The following BICC1 variants were observed in gnomAD, a reference collection of about 807,000 sequenced individuals.
The protein encoded by BICC1 is protein bicaudal C homolog 1.
In BICC1, 43 loss-of-function variants were observed where a neutral mutation model predicts 111.0. That is an observed-to-expected ratio of 0.39 (90% CI 0.30 to 0.50). The LOEUF is 0.50. Among genes scored for constraint, BICC1 ranks in the 20% least tolerant of loss-of-function variants. The pLI, the probability that BICC1 is intolerant of heterozygous loss-of-function variation, is 0.88. For synonymous variants in BICC1, 467 were observed against 434.4 expected (o/e 1.07, Z -0.93); for missense variants, 1,091 against 1,203.2 (o/e 0.91, Z 1.38).
intron 4 of BICC1, 34 bp from the exon 5 acceptor site, chr10:58,786,889 A>G (rs773711177): frequency 2.7e-6 from 4 of 1,484,852 alleles, no homozygotes; most frequent in Non-Finnish European, 3.6e-6. Flanking sequence ...TTCCTTTTGC[A>G]TACATCAAGT....
chr10:58,529,725 C>G (rs1842632401), intron 1 of BICC1, among the ~76,000 whole-genome samples: 1 of 151,576 alleles, frequency 6.6e-6, no homozygotes, highest in Non-Finnish European at 1.5e-5. Flanking sequence ...AGATCTATAG[C>G]GTTTTTCTTC....
chr10:58,770,398 C>A (rs1842591670), intron 3 of BICC1, among the ~76,000 whole-genome samples: 1 of 151,872 alleles, frequency 6.6e-6, no homozygotes, highest in Admixed American at 6.6e-5. Context: ...CTTTCTCCAC[C>A]AAGTAATTAT....
At chr10:58,788,446 T>G in intron 6 of BICC1, 23 bp downstream of exon 6, 1 of 1,545,236 alleles carries the variant, frequency 6.5e-7, no homozygotes, top group Non-Finnish European at 8.9e-7. Context: ...TACTTTAACA[T>G]TGTAAATTGA....
intron 3 of BICC1, among the ~76,000 whole-genome samples, chr10:58,706,579 C>T (rs1011438867): frequency 1.3e-5 from 2 of 152,084 alleles, no homozygotes; most frequent in Non-Finnish European, 1.5e-5. Flanking sequence ...CCCCTTTATC[C>T]CCAGATGTCA....
intron 2 of BICC1, among the ~76,000 whole-genome samples, chr10:58,697,100 C>T (rs1419718222): frequency 6.6e-6 from 1 of 152,212 alleles, no homozygotes; most frequent in Non-Finnish European, 1.5e-5. Context: ...AACTGGGAGG[C>T]ATCAGCGTCA....
At chr10:58,582,472 T>G (rs1302212699) in intron 1 of BICC1, among the ~76,000 whole-genome samples, 1 of 152,226 alleles carries the variant, frequency 6.6e-6, no homozygotes, top group Non-Finnish European at 1.5e-5. Flanking sequence ...CCAGTTTATA[T>G]TCTCTGTATT....
At chr10:58,803,643 A>G (rs1314225872) in intron 15 of BICC1, among the ~76,000 whole-genome samples, 2 of 152,230 alleles carry the variant, frequency 1.3e-5, no homozygotes, top group African/African-American at 4.8e-5. Context: ...GTTTGGTGCC[A>G]TTTAAAGATA....
At chr10:58,805,396 T>C (rs1370197122) in intron 15 of BICC1, among the ~76,000 whole-genome samples, 1 of 152,256 alleles carries the variant, frequency 6.6e-6, no homozygotes, top group East Asian at 1.9e-4. Flanking sequence ...ATAGTCTCTT[T>C]AACCAGTAGG....
chr10:58,643,377 A>G lies in BICC1; in HGVS notation c.237+22476A>G, dbSNP rs889148841. ...TCTTCCTTTGCATTGAATTTTGTCA[A>G]ATTTCCCAGGTATTCTCTGAAGAAA... On this transcript the variant is annotated intron_variant, in intron 2 of 20. Coordinates refer to ENST00000373886, the MANE Select transcript of BICC1 (RefSeq NM_001080512.3). Among the ~76,000 whole-genome samples, 5 of 152,170 alleles carry G rather than the reference A, an allele frequency of 3.3e-5. No homozygotes were observed. The East Asian group carries it at 5.8e-4, about 18-fold the overall frequency.
chr10:58,823,658 ATGT>A (rs1844314645), intron 20 of BICC1: 1 of 984,998 alleles, frequency 1.0e-6, no homozygotes, highest in East Asian at 1.1e-4. Flanking sequence ...CTAAAGGAGA[ATGT>A]TGTTTGGCCT....
At chr10:58,652,567 A>C (rs1393246796) in intron 2 of BICC1, among the ~76,000 whole-genome samples, 1 of 152,136 alleles carries the variant, frequency 6.6e-6, no homozygotes, top group East Asian at 1.9e-4. Flanking sequence ...CATTCAATAA[A>C]TATTTATTGT....
At chr10:58,601,156 ATATATATATATATATCT>A (rs1845020214) in intron 1 of BICC1, among the ~76,000 whole-genome samples, 2 of 137,314 alleles carry the variant, frequency 1.5e-5, no homozygotes, top group African/African-American at 5.2e-5. Flanking sequence ...ATATATATAT[ATATATATATATATATCT>A]CCCAATAAAA....
intron 2 of BICC1, among the ~76,000 whole-genome samples, chr10:58,636,227 A>G (rs1194479199): frequency 6.6e-6 from 1 of 152,180 alleles, no homozygotes; most frequent in East Asian, 1.9e-4. Context: ...TAAGTGATTT[A>G]TCTGAGTCAT....
At chr10:58,655,917 T>G (rs1838629085) in intron 2 of BICC1, among the ~76,000 whole-genome samples, 1 of 152,082 alleles carries the variant, frequency 6.6e-6, no homozygotes, top group African/African-American at 2.4e-5. Flanking sequence ...GAGCTGGTTT[T>G]TTGAAAGGAT....
At chr10:58,533,136 G>A (rs1288443620) in intron 1 of BICC1, among the ~76,000 whole-genome samples, 1 of 151,860 alleles carries the variant, frequency 6.6e-6, no homozygotes, top group Non-Finnish European at 1.5e-5. Flanking sequence ...GAAGAAAAAC[G>A]TCTGGGAAAG....
intron 3 of BICC1, among the ~76,000 whole-genome samples, chr10:58,766,077 G>A (rs61875969): frequency 0.027 from 4,182 of 152,164 alleles, 89 homozygotes; most frequent in Non-Finnish European, 0.046. Context: ...TCAGTTCTTC[G>A]TCACCCCCTG....
intron 1 of BICC1, among the ~76,000 whole-genome samples, chr10:58,513,782 A>G (rs1252859940): frequency 6.6e-6 from 1 of 152,116 alleles, no homozygotes; most frequent in Non-Finnish European, 1.5e-5. Context: ...CACTTCCTCC[A>G]GCTGAGGGGC....
chr10:58,662,651 T>C (rs957954379), intron 2 of BICC1, among the ~76,000 whole-genome samples: 1 of 152,198 alleles, frequency 6.6e-6, no homozygotes, highest in Non-Finnish European at 1.5e-5. Flanking sequence ...TGATTACTTT[T>C]ACACCTTTCT....
chr10:58,534,246 T>A (rs1842766651), intron 1 of BICC1, among the ~76,000 whole-genome samples: 1 of 151,688 alleles, frequency 6.6e-6, no homozygotes. Context: ...TTAGACAAAG[T>A]AGTGTGTAGA....
Sources: gnomAD v4.1 joint callset for allele counts (sites outside exome capture counted in the v4.1 genomes callset) on GRCh38, gnomAD v4.1.1 for gene constraint, MANE v1.5 for transcripts, NCBI Gene and HGNC (gene_info 2026-07-23, HGNC 2026-07-21) for gene names.